The following ZNF804B variants were observed in gnomAD, a reference collection of about 807,000 sequenced individuals.
ZNF804B encodes the protein zinc finger 804B.
A neutral mutation model predicts 101.4 loss-of-function variants in ZNF804B; 80 were observed. The ratio of observed to expected loss-of-function variants is 0.79; its 90% CI spans 0.66 to 0.95. The LOEUF is 0.95. Among genes scored for constraint, ZNF804B ranks in the 40% least tolerant of loss-of-function variants. The pLI, the probability that ZNF804B is intolerant of heterozygous loss-of-function variation, is 0.00. For missense variants in ZNF804B, 1,673 were observed against 1,561.9 expected (o/e 1.07, Z -1.20); for synonymous variants, 622 against 558.8 (o/e 1.11, Z -1.59).
At chr7:88,927,980 A>G (rs2116012866) in intron 1 of ZNF804B, among the ~76,000 whole-genome samples, 1 of 152,010 alleles carries the variant, frequency 6.6e-6, no homozygotes, top group South Asian at 2.1e-4. Flanking sequence ...TATCCCCAAT[A>G]TCTCCTACCA....
At chr7:88,777,169 A>G (rs1252453790) in intron 1 of ZNF804B, among the ~76,000 whole-genome samples, 3 of 152,248 alleles carry the variant, frequency 2.0e-5, no homozygotes, top group African/African-American at 7.2e-5. Flanking sequence ...CTCACTGACA[A>G]GGTGAGCGAC....
intron 1 of ZNF804B, among the ~76,000 whole-genome samples, chr7:89,117,710 A>G (rs1230240582): frequency 6.6e-6 from 1 of 152,144 alleles, no homozygotes; most frequent in African/African-American, 2.4e-5. Context: ...CAGTGAGAAA[A>G]TTTTTTATTC....
chr7:89,318,967 G>A (rs1420890273), intron 2 of ZNF804B, among the ~76,000 whole-genome samples: 1 of 152,204 alleles, frequency 6.6e-6, no homozygotes, highest in Non-Finnish European at 1.5e-5. Flanking sequence ...TTAACTATAA[G>A]TATTCCTTAA....
At chr7:88,815,156 T>C (rs1295807723) in intron 1 of ZNF804B, among the ~76,000 whole-genome samples, 1 of 148,118 alleles carries the variant, frequency 6.8e-6, no homozygotes, top group Non-Finnish European at 1.5e-5. Context: ...AAAAGAATAT[T>C]CTAAATGTTA....
At chr7:89,192,652 A>G (rs1423041604) in intron 1 of ZNF804B, among the ~76,000 whole-genome samples, 1 of 152,012 alleles carries the variant, frequency 6.6e-6, no homozygotes, top group African/African-American at 2.4e-5. Context: ...AATTCATTCT[A>G]TGAGGCCATC....
chr7:89,260,346 AC>A (rs1789692659), intron 2 of ZNF804B, among the ~76,000 whole-genome samples: 1 of 146,538 alleles, frequency 6.8e-6, no homozygotes, highest in Non-Finnish European at 1.5e-5. Flanking sequence ...CCTTTGTGGC[AC>A]TTTTTTTTTT....
chr7:89,312,182 C>G (rs531066079), intron 2 of ZNF804B, among the ~76,000 whole-genome samples: 1 of 152,112 alleles, frequency 6.6e-6, no homozygotes, highest in Non-Finnish European at 1.5e-5. Context: ...TTTTCTTTCA[C>G]GCACCACATT....
chr7:89,016,523 A>G (rs1201543498), intron 1 of ZNF804B, among the ~76,000 whole-genome samples: 1 of 150,746 alleles, frequency 6.6e-6, no homozygotes, highest in South Asian at 2.1e-4. Context: ...TATAAGGTGT[A>G]AGGAAGGGAT....
intron 1 of ZNF804B, among the ~76,000 whole-genome samples, chr7:89,125,034 T>G (rs571716317): frequency 1.3e-4 from 20 of 151,474 alleles, no homozygotes; most frequent in Admixed American, 5.9e-4. Flanking sequence ...AATTGTTGTT[T>G]TTTTTTTTTT....
In ZNF804B at chr7:89,335,132, G is replaced by A; in HGVS notation, c.2150G>A (p.Ser717Asn). 1 of 1,613,876 alleles carries A rather than the reference G, an allele frequency of 6.2e-7. No homozygotes were observed. Among genetic ancestry groups the A allele is most frequent in the Non-Finnish European group, 8.5e-7 (1 of 1,179,922 alleles). ...TCTTCCTCTTTGGACACATCCCCTA[G>A]CAGCATGTCTAGCTTGAGAAGTACT... ...RYSSSLDTSP[S>N]SMSSLRSTCS... Residue 717 changes from serine (S) to asparagine (N), a missense_variant, in exon 4 of 4, where the codon AGC becomes AAC. Transcript: ENST00000333190.
At chr7:89,183,039 G>T (rs1382893951) in intron 1 of ZNF804B, among the ~76,000 whole-genome samples, 1 of 152,026 alleles carries the variant, frequency 6.6e-6, no homozygotes, top group Non-Finnish European at 1.5e-5. Flanking sequence ...AATACAATGG[G>T]GGCTCATGTC....
At chr7:88,806,821 C>A (rs1163348957) in intron 1 of ZNF804B, among the ~76,000 whole-genome samples, 1 of 151,994 alleles carries the variant, frequency 6.6e-6, no homozygotes, top group Non-Finnish European at 1.5e-5. Flanking sequence ...GAGGTTAAGG[C>A]CAATGGTGTG....
chr7:88,776,425 T>C (rs940238209), intron 1 of ZNF804B, among the ~76,000 whole-genome samples: 2 of 152,168 alleles, frequency 1.3e-5, no homozygotes, highest in African/African-American at 4.8e-5. Context: ...AGCACAACTA[T>C]TGCAAATAGC....
chr7:89,220,160 T>TGTGCGTATATACATGTATATAC (rs1788981570), intron 2 of ZNF804B, among the ~76,000 whole-genome samples: 1 of 54,692 alleles, frequency 1.8e-5, no homozygotes, highest in African/African-American at 8.3e-5. Flanking sequence ...CATATATATA[T>TGTGCGTATATACATGTATATAC]ACGCACATAT....
At chr7:88,951,445 C>G (rs902186944) in intron 1 of ZNF804B, among the ~76,000 whole-genome samples, 4 of 151,790 alleles carry the variant, frequency 2.6e-5, no homozygotes, top group Non-Finnish European at 4.4e-5. Flanking sequence ...ATTTTGTGTA[C>G]ATACACACAC....
chr7:88,943,342 A>G (rs953520504), intron 1 of ZNF804B, among the ~76,000 whole-genome samples: 7 of 151,918 alleles, frequency 4.6e-5, no homozygotes, highest in Non-Finnish European at 8.8e-5. Flanking sequence ...GATTACCAGC[A>G]TAGGTATTGG....
chr7:88,762,075 T>G (rs1789906141), intron 1 of ZNF804B, among the ~76,000 whole-genome samples: 1 of 124,836 alleles, frequency 8.0e-6, no homozygotes, highest in Admixed American at 7.6e-5. Context: ...AAGTACAAAT[T>G]AATTTACTTT....
At position 89,285,522 on chromosome 7, in the gene ZNF804B, CAAAAAAAAA is replaced by C. The variant is rs778078214; in HGVS notation, c.250-41804_250-41796del. Among the ~76,000 whole-genome samples the C allele has an allele frequency of 1.8e-3, 41 of 22,394 alleles. 1 individual carries two copies. The highest frequency in any genetic ancestry group is 2.2e-3 in the South Asian group (1 of 452). 14.7% of individuals were successfully genotyped at this position (22,394 alleles called of 152,430 possible). A position where few individuals can be genotyped will look rare whatever the true frequency, so the allele number is the denominator to read the frequency against. ...TGGGCGAGAGAGCGAGACTCTGTCT[CAAAAAAAAA>C]AAAAAAAAAAAAAAAAAGAAGAAGA... is the stretch of plus-strand genomic sequence containing the variant. On this transcript the variant is annotated intron_variant, in intron 2 of 3. Coordinates refer to ENST00000333190, the MANE Select transcript of ZNF804B (RefSeq NM_181646.5).
intron 1 of ZNF804B, among the ~76,000 whole-genome samples, chr7:88,876,518 C>T (rs1047506234): frequency 6.6e-6 from 1 of 152,074 alleles, no homozygotes; most frequent in Admixed American, 6.6e-5. Context: ...ACCAAATCCT[C>T]AACACTTCTG....
Sources: gnomAD v4.1 joint callset for allele counts (sites outside exome capture counted in the v4.1 genomes callset) on GRCh38, gnomAD v4.1.1 for gene constraint, MANE v1.5 for transcripts, NCBI Gene and HGNC (gene_info 2026-07-23, HGNC 2026-07-21) for gene names.